Variants in ADSL observed in about 807,000 individuals in gnomAD.
ADSL encodes adenylosuccinate lyase.
A neutral mutation model predicts 62.1 loss-of-function variants in ADSL; 44 were observed. The ratio of observed to expected loss-of-function variants is 0.71; its 90% CI spans 0.56 to 0.91. ADSL has a LOEUF of 0.91. Ranked by LOEUF, ADSL falls within the 40% of genes least tolerant of loss-of-function variation. ADSL has a pLI of 0.00. For synonymous variants in ADSL, 198 were observed against 220.5 expected, an observed-to-expected ratio of 0.90 and a Z score of 0.90; for missense variants, 531 against 627.4, an observed-to-expected ratio of 0.85 and a Z score of 1.64.
At position 40,367,804 on chromosome 22, in the gene ADSL, T is replaced by G. The variant is rs1454888618; in HGVS notation, c.*1282T>G. 1 of 153,084 alleles carries G rather than the reference T, an allele frequency of 6.5e-6. No individual in the cohort carries two copies. Among genetic ancestry groups the G allele is most frequent in the Non-Finnish European group, 1.5e-5 (1 of 68,046 alleles). 9.5% of individuals were successfully genotyped at this position (153,084 alleles called of 1,614,324 possible). A position where few individuals can be genotyped will look rare whatever the true frequency, so the allele number is the denominator to read the frequency against. ...AGTATGTTTATTTGGTAAAATAAGT[T>G]TTCATCTCTAACCTAAATCGGCTGA... is the stretch of plus-strand genomic sequence containing the variant. On this transcript the variant is annotated 3_prime_UTR_variant, in exon 13 of 13. Coordinates refer to ENST00000623063, the MANE Select transcript of ADSL (RefSeq NM_000026.4).
chr22:40,381,068 G>C (rs5995849), intron 2 of ADSL, among the ~76,000 whole-genome samples: 42,285 of 152,122 alleles, frequency 0.28, 7,104 homozygotes, highest in African/African-American at 0.43. Flanking sequence ...TGGGAAGAAC[G>C]AAGTAATTAG....
chr22:40,363,212 C>A, intron 10 of ADSL, 141 bp downstream of exon 10: 1 of 750,252 alleles, frequency 1.3e-6, no homozygotes, highest in South Asian at 1.5e-5. Flanking sequence ...AGTTCATAAG[C>A]TCTAGGGAAC....
intron 1 of ADSL, 104 bp downstream of exon 1, chr22:40,346,815 C>G (rs975412615): frequency 1.6e-6 from 2 of 1,273,420 alleles, no homozygotes; most frequent in African/African-American, 1.5e-5. Flanking sequence ...GAGCTGCGGC[C>G]CGGCTATTTT....
downstream of ADSL, among the ~76,000 whole-genome samples, chr22:40,373,743 G>A (rs1349002926): frequency 6.6e-6 from 1 of 151,578 alleles, no homozygotes. Flanking sequence ...AGCCTCCCGA[G>A]TAGCTGAGAC....
intron 6 of ADSL, 105 bp downstream of exon 6, chr22:40,359,411 G>C: frequency 1.1e-6 from 1 of 883,376 alleles, no homozygotes; most frequent in Non-Finnish European, 1.7e-6. Context: ...TTCTTCCTTT[G>C]TTCTTCTACC....
At chr22:40,372,347 G>T (rs1203897324), downstream of ADSL, among the ~76,000 whole-genome samples, 1 of 151,236 alleles carries the variant, frequency 6.6e-6, no homozygotes, top group Non-Finnish European at 1.5e-5. Flanking sequence ...AGATGGTCTC[G>T]ATCTCCTGAC....
intron 2 of ADSL, among the ~76,000 whole-genome samples, chr22:40,351,323 G>A (rs1223003036): frequency 2.6e-5 from 4 of 151,690 alleles, no homozygotes; most frequent in African/African-American, 9.7e-5. Flanking sequence ...GGCGCCTGCC[G>A]CCACGCCCAG....
chr22:40,358,776 G>T, intron 4 of ADSL, 88 bp from the exon 5 acceptor site: 2 of 1,268,210 alleles, frequency 1.6e-6, no homozygotes, highest in Non-Finnish European at 2.3e-6. Flanking sequence ...CCTCCAAGGG[G>T]TAATGGTGGT....
chr22:40,361,109 T>A (rs1469202905), intron 7 of ADSL, 164 bp from the exon 8 acceptor site: 1 of 754,380 alleles, frequency 1.3e-6, no homozygotes, highest in Admixed American at 1.8e-5. Flanking sequence ...CAGAGAGGAG[T>A]CGGAGTAAGA....
At chr22:40,364,839 CCT>C in intron 11 of ADSL, 39 bp from the exon 12 acceptor site, 1 of 1,604,106 alleles carries the variant, frequency 6.2e-7, no homozygotes, top group Non-Finnish European at 8.5e-7. Flanking sequence ...GTTCAAACGC[CCT>C]GTTAGTAGGG....
At chr22:40,348,495 C>A in intron 1 of ADSL, 2 of 398,644 alleles carry the variant, frequency 5.0e-6, no homozygotes, top group South Asian at 1.3e-4. Flanking sequence ...GCTGTCCTCT[C>A]ACCTCAGCCT....
At chr22:40,370,500 TG>T (rs1172860450), downstream of ADSL, 1 of 152,308 alleles carries the variant, frequency 6.6e-6, no homozygotes, top group African/African-American at 2.4e-5. Flanking sequence ...GGCCTTGGGA[TG>T]GGGGCGCAAA....
At chr22:40,355,927 C>G (rs1455423179) in intron 4 of ADSL, among the ~76,000 whole-genome samples, 1 of 151,544 alleles carries the variant, frequency 6.6e-6, no homozygotes, top group Admixed American at 6.6e-5. Context: ...TGGCTCATGC[C>G]TGTAATCCCA....
intron 3 of ADSL, among the ~76,000 whole-genome samples, chr22:40,353,588 CT>C (rs1166570831): frequency 1.4e-5 from 2 of 143,144 alleles, no homozygotes; most frequent in African/African-American, 5.2e-5. Context: ...CCAGCTGTCT[CT>C]TTAAAAGACT....
At chr22:40,354,884 GAAAA>G (rs954790420) in intron 4 of ADSL, among the ~76,000 whole-genome samples, 2 of 148,052 alleles carry the variant, frequency 1.4e-5, no homozygotes, top group African/African-American at 2.5e-5. Context: ...AAAAAAAAAA[GAAAA>G]AAATCTAAAT....
At chr22:40,378,821 G>A (rs905997718) in intron 2 of ADSL, among the ~76,000 whole-genome samples, 1 of 152,100 alleles carries the variant, frequency 6.6e-6, no homozygotes, top group Non-Finnish European at 1.5e-5. Context: ...GTGATTCTCT[G>A]ATTGAAATCT....
intron 4 of ADSL, among the ~76,000 whole-genome samples, chr22:40,356,032 CAAAAAA>C (rs1212379585): frequency 5.4e-5 from 3 of 55,336 alleles, no homozygotes; most frequent in Non-Finnish European, 1.0e-4. Context: ...ACTAAAAATA[CAAAAAA>C]AAAAAAAAAA....
chr22:40,381,585 A>G (rs2047591217), intron 2 of ADSL, among the ~76,000 whole-genome samples: 1 of 152,238 alleles, frequency 6.6e-6, no homozygotes, highest in African/African-American at 2.4e-5. Context: ...GGAAAAGAAC[A>G]AATGATAAAT....
At chr22:40,358,212 A>G (rs1245803628) in intron 4 of ADSL, among the ~76,000 whole-genome samples, 1 of 152,196 alleles carries the variant, frequency 6.6e-6, no homozygotes, top group African/African-American at 2.4e-5. Flanking sequence ...ATATTACACG[A>G]GTATCTAATG....
Sources: allele counts gnomAD v4.1 joint callset (sites outside exome capture counted in the v4.1 genomes callset), GRCh38; gene constraint gnomAD v4.1.1; transcripts MANE v1.5; gene names NCBI Gene and HGNC (gene_info 2026-07-23, HGNC 2026-07-21).